TSHZ2: variants seen among roughly 807,000 people sequenced by gnomAD.
The protein encoded by TSHZ2 is teashirt homolog 2.
A neutral mutation model predicts 74.4 loss-of-function variants in TSHZ2; 21 were observed. The observed-to-expected ratio is 0.28, with a 90% CI of 0.20 to 0.41. TSHZ2 has a LOEUF of 0.41. Among genes scored for constraint, TSHZ2 ranks in the 10% least tolerant of loss-of-function variants. The pLI is 1.00. For synonymous variants in TSHZ2, 540 were observed against 515.3 expected, an observed-to-expected ratio of 1.05 and a Z score of -0.65; for missense variants, 1,244 against 1,293.5, an observed-to-expected ratio of 0.96 and a Z score of 0.59.
chr20:53,014,800 T>G (rs929555238), intron 1 of TSHZ2, among the ~76,000 whole-genome samples: 1 of 152,260 alleles, frequency 6.6e-6, no homozygotes, highest in Non-Finnish European at 1.5e-5. Flanking sequence ...TTCATACATT[T>G]CCAAATCCTG....
chr20:53,147,299 C>G (rs1216831745), intron 1 of TSHZ2, among the ~76,000 whole-genome samples: 1 of 152,146 alleles, frequency 6.6e-6, no homozygotes, highest in East Asian at 1.9e-4. Context: ...CTGGGCTCAG[C>G]TTTCTTTTCA....
chr20:53,054,028 G>T (rs1268023058), intron 1 of TSHZ2, among the ~76,000 whole-genome samples: 7 of 152,150 alleles, frequency 4.6e-5, no homozygotes, highest in Non-Finnish European at 1.0e-4. Flanking sequence ...ATCCTTAGGG[G>T]TTTGGACAAC....
At chr20:53,270,871 T>C (rs1461764279) in intron 2 of TSHZ2, among the ~76,000 whole-genome samples, 1 of 152,182 alleles carries the variant, frequency 6.6e-6, no homozygotes, top group Non-Finnish European at 1.5e-5. Flanking sequence ...AATTCTATTT[T>C]TGTTCACCAG....
chr20:53,449,492 G>A (rs1328428829), intron 2 of TSHZ2, among the ~76,000 whole-genome samples: 1 of 152,192 alleles, frequency 6.6e-6, no homozygotes, highest in African/African-American at 2.4e-5. Context: ...AAATGTCCGT[G>A]TCCTCATTGA....
At chr20:53,022,740 C>A (rs1983289592) in intron 1 of TSHZ2, among the ~76,000 whole-genome samples, 1 of 152,280 alleles carries the variant, frequency 6.6e-6, no homozygotes, top group Admixed American at 6.5e-5. Context: ...GTATATACAT[C>A]TAATTGTACA....
intron 1 of TSHZ2, among the ~76,000 whole-genome samples, chr20:53,056,456 A>T (rs1984643042): frequency 6.6e-6 from 1 of 152,200 alleles, no homozygotes; most frequent in Admixed American, 6.5e-5. Context: ...TGTCGTTATC[A>T]AGGGCTAACT....
chr20:53,327,860 T>C (rs1030003968), intron 2 of TSHZ2, among the ~76,000 whole-genome samples: 14 of 152,158 alleles, frequency 9.2e-5, no homozygotes, highest in Admixed American at 1.3e-4. Flanking sequence ...TCCTGACCAA[T>C]GTGAGACCTG....
intron 2 of TSHZ2, among the ~76,000 whole-genome samples, chr20:53,391,115 C>CTTTTCTTTTG (rs1555858128): frequency 2.0e-5 from 3 of 147,546 alleles, no homozygotes; most frequent in African/African-American, 7.6e-5. Context: ...ATATACTACA[C>CTTTTCTTTTG]TTTTGTTTTG....
At chr20:53,128,796 A>G (rs1420440512) in intron 1 of TSHZ2, among the ~76,000 whole-genome samples, 1 of 152,012 alleles carries the variant, frequency 6.6e-6, no homozygotes, top group Non-Finnish European at 1.5e-5. Flanking sequence ...TAATTTTTGT[A>G]TTTTTAGTAG....
chr20:53,345,182 G>A (rs1980388673), intron 2 of TSHZ2, among the ~76,000 whole-genome samples: 2 of 152,358 alleles, frequency 1.3e-5, no homozygotes, highest in Non-Finnish European at 2.9e-5. Flanking sequence ...CCAAAGTGTG[G>A]ATGTGTGTTT....
intron 2 of TSHZ2, among the ~76,000 whole-genome samples, chr20:53,425,607 A>G (rs1464963224): frequency 1.3e-5 from 2 of 152,204 alleles, no homozygotes; most frequent in African/African-American, 2.4e-5. Context: ...CTTGTTCTCT[A>G]AAGAGCCAGA....
At chr20:53,402,252 A>G (rs1982694926) in intron 2 of TSHZ2, among the ~76,000 whole-genome samples, 1 of 152,212 alleles carries the variant, frequency 6.6e-6, no homozygotes, top group Non-Finnish European at 1.5e-5. Context: ...ATCTACTTTT[A>G]GTTCCTTAAT....
chr20:53,076,257 G>T (rs1178935464), intron 1 of TSHZ2, among the ~76,000 whole-genome samples: 1 of 152,202 alleles, frequency 6.6e-6, no homozygotes, highest in African/African-American at 2.4e-5. Context: ...GATGACAGCA[G>T]AAAGGATGAT....
chr20:53,093,297 G>A (rs540678851), intron 1 of TSHZ2, among the ~76,000 whole-genome samples: 1 of 152,360 alleles, frequency 6.6e-6, no homozygotes, highest in Admixed American at 6.5e-5. Context: ...TGCCGTGGCT[G>A]CTGGGTTGGA....
intron 2 of TSHZ2, among the ~76,000 whole-genome samples, chr20:53,275,550 C>T (rs1990926476): frequency 6.6e-6 from 1 of 152,110 alleles, no homozygotes; most frequent in Non-Finnish European, 1.5e-5. Context: ...TGAGCACAAG[C>T]CCCCTGTGTG....
intron 2 of TSHZ2, among the ~76,000 whole-genome samples, chr20:53,300,094 AG>A (rs2145479264): frequency 6.6e-6 from 1 of 152,320 alleles, no homozygotes; most frequent in South Asian, 2.1e-4. Flanking sequence ...TTCTCTTAAC[AG>A]AGCCAGCAAT....
intron 1 of TSHZ2, among the ~76,000 whole-genome samples, chr20:53,020,209 A>G (rs897271284): frequency 1.3e-5 from 2 of 152,204 alleles, no homozygotes; most frequent in Non-Finnish European, 2.9e-5. Flanking sequence ...GGGTGGGGAC[A>G]CAGAGCCCAA....
At chr20:53,213,292 T>G (rs1467640892) in intron 1 of TSHZ2, among the ~76,000 whole-genome samples, 2 of 152,154 alleles carry the variant, frequency 1.3e-5, no homozygotes, top group Non-Finnish European at 2.9e-5. Context: ...CATGCAAAAT[T>G]GTACCTTTTG....
chr20:53,084,490 T>A (rs1399544281), intron 1 of TSHZ2, among the ~76,000 whole-genome samples: 1 of 152,140 alleles, frequency 6.6e-6, no homozygotes, highest in Non-Finnish European at 1.5e-5. Flanking sequence ...TGACTAAACT[T>A]CTATCAGTTT....
Sources: allele counts gnomAD v4.1 joint callset (sites outside exome capture counted in the v4.1 genomes callset), GRCh38; gene constraint gnomAD v4.1.1; transcripts MANE v1.5; gene names NCBI Gene and HGNC (gene_info 2026-07-23, HGNC 2026-07-21).